Variants in COL5A2 observed in about 807,000 individuals in gnomAD.
The protein encoded by COL5A2 is collagen alpha-2(V) chain.
A neutral mutation model predicts 208.2 loss-of-function variants in COL5A2; 23 were observed. The observed-to-expected ratio is 0.11, with a 90% CI of 0.08 to 0.16. The LOEUF is 0.16. Ranked by LOEUF, COL5A2 falls within the 10% of genes least tolerant of loss-of-function variation. COL5A2 has a pLI of 1.00. For synonymous variants in COL5A2, 625 were observed against 628.5 expected, an observed-to-expected ratio of 0.99 and a Z score of 0.08; for missense variants, 1,590 against 1,956.4, an observed-to-expected ratio of 0.81 and a Z score of 3.53.
the COL5A2 span, among the ~76,000 whole-genome samples, chr2:189,284,681 T>C: frequency 2.0e-5 from 3 of 152,252 alleles, no homozygotes; most frequent in South Asian, 2.1e-4. Flanking sequence ...TATTGACTAA[T>C]TGACTAATAT....
chr2:189,098,020 A>G (rs1398208471), intron 5 of COL5A2, among the ~76,000 whole-genome samples: 1 of 150,226 alleles, frequency 6.7e-6, no homozygotes, highest in East Asian at 1.9e-4. Context: ...TTGTGCTGAT[A>G]TCTTAAAATG....
At position 189,045,870 on chromosome 2, in the gene COL5A2, C is replaced by T. The variant is rs1437630864; in HGVS notation, c.3239G>A (p.Gly1080Asp). ...AGGAGTTCCAGGGGCACCCTGAGAG[C>T]CTGGCAGACCTGCAGGCCCAGGGTC... ...RGDPGPAGLP[G>D]SQGAPGTPGP... Residue 1080 changes from glycine to aspartate, a missense_variant, in exon 46 of 54, where the codon GGC becomes GAC. Gly to Asp is a moderately conservative substitution (Grantham distance 94). Transcript: ENST00000374866. 1 of 1,614,166 alleles carries T rather than the reference C, an allele frequency of 6.2e-7. No individual in the cohort carries two copies. Among genetic ancestry groups the T allele is most frequent in the South Asian group, 1.1e-5 (1 of 91,090 alleles).
chr2:189,310,885 A>G, the COL5A2 span, among the ~76,000 whole-genome samples: 1 of 152,082 alleles, frequency 6.6e-6, no homozygotes, highest in South Asian at 2.1e-4. Flanking sequence ...AAACGATTAA[A>G]CTCATACAGA....
In COL5A2 at chr2:189,039,539, G is replaced by A. The variant is rs770554435; in HGVS notation, c.3658C>T (p.Pro1220Ser). 101 of 1,613,766 alleles carry A rather than the reference G, an allele frequency of 6.3e-5. No individual in the cohort carries two copies. Among genetic ancestry groups the A allele is most frequent in the Non-Finnish European group, 7.9e-5 (93 of 1,180,002 alleles). ...PEGPPGEPGP[P>S]GPPGPPGHLT... ...TGGCCAGGGGGACCCGGAGGGCCAG[G>A]TGGGCCAGGCTCACCAGGAGGGCCC... The change falls in exon 51 of 54, where the codon CCT (proline) becomes TCT (serine). Residue 1220 changes from proline (P) to serine (S), a missense_variant. By Grantham distance (74) the Pro-to-Ser change is moderately conservative (BLOSUM62 -1). Transcript: ENST00000374866.
chr2:189,314,679 A>T, the COL5A2 span, among the ~76,000 whole-genome samples: 1 of 152,164 alleles, frequency 6.6e-6, no homozygotes, highest in Non-Finnish European at 1.5e-5. Context: ...AAAACAGATC[A>T]CTACTAGCTA....
chr2:189,047,751 G>A (rs1685699918), intron 45 of COL5A2, among the ~76,000 whole-genome samples: 1 of 152,082 alleles, frequency 6.6e-6, no homozygotes, highest in Non-Finnish European at 1.5e-5. Flanking sequence ...AGAAAGTTGG[G>A]GACATGTTCA....
chr2:189,048,456 CTT>C (rs1249631291), intron 44 of COL5A2, among the ~76,000 whole-genome samples, 194 bp from the exon 45 acceptor site: 1 of 152,148 alleles, frequency 6.6e-6, no homozygotes. Context: ...TTAACATATT[CTT>C]ACTTAATCCA....
chr2:189,138,771 C>T (rs1217191994), intron 1 of COL5A2, among the ~76,000 whole-genome samples: 2 of 152,144 alleles, frequency 1.3e-5, no homozygotes, highest in African/African-American at 4.8e-5. Context: ...ACACAGAATA[C>T]AACTGAAAGA....
chr2:189,220,470 CAAA>C (rs35588877), intron 1 of COL5A2, among the ~76,000 whole-genome samples: 1 of 145,842 alleles, frequency 6.9e-6, no homozygotes. Context: ...GGTGTATTAA[CAAA>C]AAAAAAAAAG....
At chr2:189,108,972 T>G (rs998145373) in intron 2 of COL5A2, among the ~76,000 whole-genome samples, 1 of 114,652 alleles carries the variant, frequency 8.7e-6, no homozygotes, top group South Asian at 3.1e-4. Context: ...TTATTAAGTT[T>G]TTTTTTTTTT....
At chr2:189,108,102 C>A (rs146227632) in intron 2 of COL5A2, among the ~76,000 whole-genome samples, 1 of 151,652 alleles carries the variant, frequency 6.6e-6, no homozygotes, top group Admixed American at 6.6e-5. Context: ...TTTGCCTCCC[C>A]CTTTCATTAT....
intron 26 of COL5A2, among the ~76,000 whole-genome samples, 198 bp from the exon 27 acceptor site, chr2:189,063,468 A>C (rs1298414527): frequency 6.6e-6 from 1 of 152,208 alleles, no homozygotes; most frequent in Admixed American, 6.5e-5. Context: ...GAGAGATTTT[A>C]TTCTTATTCT....
chr2:189,245,036 C>T, the COL5A2 span, among the ~76,000 whole-genome samples: 1 of 152,282 alleles, frequency 6.6e-6, no homozygotes, highest in East Asian at 1.9e-4. Context: ...GACTTATTCA[C>T]TATTACAAGA....
chr2:189,306,239 C>T, the COL5A2 span, among the ~76,000 whole-genome samples: 1 of 152,182 alleles, frequency 6.6e-6, no homozygotes, highest in Admixed American at 6.5e-5. Context: ...ACCATACCAT[C>T]GTCCTTAATC....
At chr2:189,069,980 T>G (rs1686235425) in intron 18 of COL5A2, among the ~76,000 whole-genome samples, 1 of 152,178 alleles carries the variant, frequency 6.6e-6, no homozygotes, top group Non-Finnish European at 1.5e-5. Flanking sequence ...AAAAGATACT[T>G]TTTAAAGTGC....
At chr2:189,148,919 C>A (rs1688092310) in intron 1 of COL5A2, among the ~76,000 whole-genome samples, 1 of 152,124 alleles carries the variant, frequency 6.6e-6, no homozygotes, top group Non-Finnish European at 1.5e-5. Flanking sequence ...GCAGGTGGAT[C>A]ACTTGAGGTC....
chr2:189,066,917 AT>A (rs1446809383), intron 21 of COL5A2, 135 bp from the exon 22 acceptor site: 3 of 695,328 alleles, frequency 4.3e-6, no homozygotes, highest in Non-Finnish European at 7.8e-6. Flanking sequence ...TAATATAATC[AT>A]TTTTAAATGA....
chr2:189,230,633 A>G, the COL5A2 span, among the ~76,000 whole-genome samples: 13 of 151,944 alleles, frequency 8.6e-5, no homozygotes, highest in Admixed American at 1.3e-4. Context: ...CAAAAATGAA[A>G]TACCACCTCA....
the COL5A2 span, among the ~76,000 whole-genome samples, chr2:189,316,692 C>T: frequency 6.6e-6 from 1 of 150,772 alleles, no homozygotes; most frequent in African/African-American, 2.4e-5. Flanking sequence ...ACCCCCATGA[C>T]ACAAGTTCAC....
Sources: gnomAD v4.1 joint callset for allele counts (sites outside exome capture counted in the v4.1 genomes callset) on GRCh38, gnomAD v4.1.1 for gene constraint, MANE v1.5 for transcripts, NCBI Gene and HGNC (gene_info 2026-07-23, HGNC 2026-07-21) for gene names.